The following CNTNAP5 variants were observed in gnomAD, a reference collection of about 807,000 sequenced individuals.
CNTNAP5 encodes contactin-associated protein-like 5.
In CNTNAP5, 72 loss-of-function variants were observed where a neutral mutation model predicts 150.2. That is an observed-to-expected ratio of 0.48 (90% CI 0.40 to 0.58). The LOEUF is 0.58. Ranked by LOEUF, CNTNAP5 falls within the 20% of genes least tolerant of loss-of-function variation. CNTNAP5 has a pLI of 0.00. For synonymous variants in CNTNAP5, 672 were observed against 619.8 expected (o/e 1.08, Z -1.25); for missense variants, 1,636 against 1,626.2 (o/e 1.01, Z -0.10).
At chr2:124,069,451 C>T (rs1682246337) in intron 1 of CNTNAP5, among the ~76,000 whole-genome samples, 1 of 152,154 alleles carries the variant, frequency 6.6e-6, no homozygotes, top group Admixed American at 6.5e-5. Flanking sequence ...ACCTGGCTGA[C>T]TTCACTATCT....
intron 19 of CNTNAP5, among the ~76,000 whole-genome samples, chr2:124,818,989 C>G (rs1682428739): frequency 1.3e-5 from 2 of 152,130 alleles, no homozygotes; most frequent in South Asian, 4.2e-4. Flanking sequence ...ATGTAGATCC[C>G]TTGTCTGGGC....
At chr2:124,496,414 T>C (rs1694148867) in intron 7 of CNTNAP5, among the ~76,000 whole-genome samples, 1 of 152,194 alleles carries the variant, frequency 6.6e-6, no homozygotes, top group African/African-American at 2.4e-5. Context: ...GATCATTTTC[T>C]CCAGCTTATA....
At chr2:124,889,791 C>T (rs1678156380) in intron 21 of CNTNAP5, among the ~76,000 whole-genome samples, 1 of 151,930 alleles carries the variant, frequency 6.6e-6, no homozygotes, top group African/African-American at 2.4e-5. Flanking sequence ...TCCTCTGGAT[C>T]AGTGATTTTT....
Position 124,735,864 on chromosome 2 carries a change from C to T in CNTNAP5, c.2078-11365C>T, listed in dbSNP as rs929998463. On this transcript the variant is annotated intron_variant, in intron 13 of 23. Transcript: ENST00000682447. ...GAGTTATGTGATGTGAACCTCGTTT[C>T]GAATGTTAGTGTTACGGATATCCAA... Among the ~76,000 whole-genome samples, 5 of 152,066 alleles carry T rather than the reference C, an allele frequency of 3.3e-5. No individual in the cohort carries two copies. The East Asian group carries it at 5.8e-4, about 18-fold the overall frequency.
intron 1 of CNTNAP5, among the ~76,000 whole-genome samples, chr2:124,054,421 C>T (rs2104646188): frequency 6.6e-6 from 1 of 152,262 alleles, no homozygotes; most frequent in East Asian, 1.9e-4. Context: ...TATACCCTCA[C>T]TCTCGACAAG....
chr2:124,326,934 C>A (rs1462110456), intron 3 of CNTNAP5, among the ~76,000 whole-genome samples: 1 of 150,108 alleles, frequency 6.7e-6, no homozygotes, highest in East Asian at 2.0e-4. Flanking sequence ...GAGATTGTAC[C>A]ACTGCACTAC....
intron 2 of CNTNAP5, among the ~76,000 whole-genome samples, chr2:124,225,540 G>T (rs1284938886): frequency 2.0e-5 from 3 of 152,126 alleles, no homozygotes; most frequent in African/African-American, 7.2e-5. Context: ...ATGAAATGAT[G>T]ATTTGATAGG....
At chr2:124,578,623 T>C (rs774385487) in intron 11 of CNTNAP5, among the ~76,000 whole-genome samples, 1 of 151,882 alleles carries the variant, frequency 6.6e-6, no homozygotes, top group Non-Finnish European at 1.5e-5. Context: ...ACTAAAAAAA[T>C]TAGCCAAGCA....
At chr2:124,517,131 G>A (rs1694736740) in intron 8 of CNTNAP5, among the ~76,000 whole-genome samples, 1 of 152,102 alleles carries the variant, frequency 6.6e-6, no homozygotes, top group Non-Finnish European at 1.5e-5. Context: ...TGGTGATGGA[G>A]TGCTGTGGTG....
chr2:124,773,049 A>G, intron 17 of CNTNAP5, 32 bp downstream of exon 17: 1 of 1,561,404 alleles, frequency 6.4e-7, no homozygotes, highest in East Asian at 2.2e-5. Context: ...CTTTTGTGCT[A>G]AACCCTGCAA....
chr2:124,533,114 A>G (rs1695147687), intron 10 of CNTNAP5, among the ~76,000 whole-genome samples: 1 of 151,248 alleles, frequency 6.6e-6, no homozygotes, highest in South Asian at 2.1e-4. Flanking sequence ...GCCATGGCCC[A>G]TTAGGAAAGC....
At chr2:124,623,053 T>C (rs578192434) in intron 12 of CNTNAP5, among the ~76,000 whole-genome samples, 2 of 152,336 alleles carry the variant, frequency 1.3e-5, no homozygotes, top group East Asian at 1.9e-4. Flanking sequence ...CTGCCCTGTA[T>C]GCTGTGCTTT....
At chr2:124,111,312 C>G (rs375653811) in intron 1 of CNTNAP5, among the ~76,000 whole-genome samples, 1 of 152,054 alleles carries the variant, frequency 6.6e-6, no homozygotes, top group East Asian at 1.9e-4. Flanking sequence ...TAAAGTGTAG[C>G]TGCATATCTA....
chr2:124,117,875 G>T (rs549539967), intron 1 of CNTNAP5, among the ~76,000 whole-genome samples: 79 of 152,208 alleles, frequency 5.2e-4, no homozygotes, highest in Middle Eastern at 6.8e-3. Flanking sequence ...CTTGAGCCCA[G>T]GAGCTCAAGA....
intron 3 of CNTNAP5, among the ~76,000 whole-genome samples, chr2:124,366,450 C>G (rs551703584): frequency 5.3e-5 from 8 of 152,220 alleles, no homozygotes; most frequent in African/African-American, 1.4e-4. Flanking sequence ...AAATTCCTAG[C>G]CCAAGACTAG....
chr2:124,320,383 G>A (rs988638876), intron 3 of CNTNAP5, among the ~76,000 whole-genome samples: 4 of 152,142 alleles, frequency 2.6e-5, no homozygotes, highest in East Asian at 1.9e-4. Context: ...ACTGTAATTT[G>A]CATTTCCCTG....
intron 19 of CNTNAP5, among the ~76,000 whole-genome samples, chr2:124,816,571 G>C (rs567913777): frequency 2.0e-5 from 3 of 150,056 alleles, no homozygotes; most frequent in African/African-American, 7.4e-5. Context: ...TCCATCTCTG[G>C]GGTTCAAGTG....
chr2:124,069,559 AG>A (rs201268234), intron 1 of CNTNAP5, among the ~76,000 whole-genome samples: 3,217 of 152,242 alleles, frequency 0.021, 50 homozygotes, highest in Non-Finnish European at 0.029. Flanking sequence ...TGCTGGCTTC[AG>A]GTCTGAACCA....
chr2:124,433,680 GT>G (rs1692449541), intron 4 of CNTNAP5, among the ~76,000 whole-genome samples: 2 of 150,974 alleles, frequency 1.3e-5, no homozygotes, highest in Non-Finnish European at 2.9e-5. Flanking sequence ...CATTATAAAA[GT>G]TTTTGTAATT....
Sources: allele counts gnomAD v4.1 joint callset (sites outside exome capture counted in the v4.1 genomes callset), GRCh38; gene constraint gnomAD v4.1.1; transcripts MANE v1.5; gene names NCBI Gene and HGNC (gene_info 2026-07-23, HGNC 2026-07-21).